The following NDST3 variants were observed in gnomAD, a reference collection of about 807,000 sequenced individuals.
NDST3 encodes N-deacetylase and N-sulfotransferase 3.
Under a neutral mutation model 96.1 loss-of-function variants are expected in NDST3, and 58 were observed. That is an observed-to-expected ratio of 0.60 (90% CI 0.49 to 0.75). The LOEUF (loss-of-function observed/expected upper bound fraction) is 0.75, where lower values mean the gene tolerates loss of function less well. Among genes scored for constraint, NDST3 ranks in the 30% least tolerant of loss-of-function variants. The pLI is 0.00. For missense variants in NDST3, 788 were observed against 1,034.2 expected, an observed-to-expected ratio of 0.76 and a Z score of 3.27; for synonymous variants, 333 against 359.7, an observed-to-expected ratio of 0.93 and a Z score of 0.84.
rs748108841 is a variant in NDST3, at chr4:118,101,824, TAAAC to T, written c.982-3191_982-3188del. 3.4e-4 allele frequency among the ~76,000 whole-genome samples: 52 copies of T among 152,244 alleles called. No homozygotes were observed. In the East Asian group the frequency reaches 8.5e-3, roughly 25 times the overall value. On this transcript the variant is annotated intron_variant, in intron 2 of 13. Transcript: ENST00000296499. ...GCAGTATTTATATTAGTCAAAAAAG[TAAAC>T]AACTTAAATGTACAACAATAGGATA...
intron 6 of NDST3, among the ~76,000 whole-genome samples, chr4:118,189,090 C>A (rs771770580): frequency 6.6e-6 from 1 of 152,040 alleles, no homozygotes. Flanking sequence ...CACTCTGTTA[C>A]CCAGACTAGA....
intron 2 of NDST3, among the ~76,000 whole-genome samples, chr4:118,084,575 G>C: frequency 6.6e-6 from 1 of 152,216 alleles, no homozygotes; most frequent in South Asian, 2.1e-4. Context: ...CATGACCTCT[G>C]TTCTGTCATA....
intron 6 of NDST3, among the ~76,000 whole-genome samples, chr4:118,172,767 T>C (rs373891003): frequency 1.3e-5 from 2 of 152,178 alleles, no homozygotes; most frequent in African/African-American, 4.8e-5. Context: ...TATCTAATTA[T>C]GTATTAACAT....
chr4:118,235,788 G>A (rs1479921806), intron 9 of NDST3, among the ~76,000 whole-genome samples: 2 of 152,128 alleles, frequency 1.3e-5, no homozygotes, highest in African/African-American at 4.8e-5. Flanking sequence ...AGAAATTTTT[G>A]TATATCTCTT....
chr4:118,154,534 A>G (rs1691155504), intron 6 of NDST3, among the ~76,000 whole-genome samples: 1 of 152,206 alleles, frequency 6.6e-6, no homozygotes, highest in South Asian at 2.1e-4. Context: ...GCTTGCAAGT[A>G]AATGAAATTT....
intron 2 of NDST3, among the ~76,000 whole-genome samples, chr4:118,102,410 A>T (rs1043942835): frequency 6.6e-6 from 1 of 152,090 alleles, no homozygotes; most frequent in Non-Finnish European, 1.5e-5. Context: ...TTGCTTGCCC[A>T]GAATACATGT....
chr4:118,061,867 C>T (rs1188446146), intron 2 of NDST3, among the ~76,000 whole-genome samples: 3 of 152,048 alleles, frequency 2.0e-5, no homozygotes, highest in South Asian at 2.1e-4. Context: ...GGCAGCCTCC[C>T]GAGCCAGAGT....
chr4:118,141,297 C>T (rs1733554381), intron 5 of NDST3, among the ~76,000 whole-genome samples: 1 of 152,080 alleles, frequency 6.6e-6, no homozygotes, highest in Admixed American at 6.5e-5. Context: ...TCATCCTTTC[C>T]GTAGCATAAG....
chr4:118,138,338 G>A, intron 5 of NDST3, 99 bp downstream of exon 5: 1 of 1,071,068 alleles, frequency 9.3e-7, no homozygotes, highest in Non-Finnish European at 1.3e-6. Flanking sequence ...CATAAATGTA[G>A]GAAAAGCTCC....
intron 6 of NDST3, among the ~76,000 whole-genome samples, chr4:118,195,985 G>C (rs2125972411): frequency 6.6e-6 from 1 of 152,316 alleles, no homozygotes; most frequent in Non-Finnish European, 1.5e-5. Context: ...CTATGGGTCT[G>C]TCACATATGG....
intron 6 of NDST3, among the ~76,000 whole-genome samples, chr4:118,166,517 G>A (rs1349371378): frequency 2.0e-5 from 3 of 151,776 alleles, no homozygotes; most frequent in South Asian, 2.1e-4. Context: ...CCAAAAAAAC[G>A]GAATAGAAGG....
chr4:118,072,112 T>C (rs1323018819), intron 2 of NDST3, among the ~76,000 whole-genome samples: 1 of 152,158 alleles, frequency 6.6e-6, no homozygotes, highest in African/African-American at 2.4e-5. Context: ...ACCAATACCA[T>C]GCTGTTTGGG....
chr4:118,159,937 C>T (rs368460575), intron 6 of NDST3, among the ~76,000 whole-genome samples: 21 of 152,064 alleles, frequency 1.4e-4, no homozygotes, highest in East Asian at 5.8e-4. Flanking sequence ...ATCAAGTTTG[C>T]AAATATTTGT....
intron 6 of NDST3, among the ~76,000 whole-genome samples, chr4:118,181,360 G>A (rs1560701518): frequency 6.6e-6 from 1 of 152,108 alleles, no homozygotes; most frequent in African/African-American, 2.4e-5. Context: ...GGAGGAGCAG[G>A]AAATGGAAAG....
chr4:118,057,476 A>G (rs1725522342), intron 2 of NDST3, among the ~76,000 whole-genome samples: 1 of 152,062 alleles, frequency 6.6e-6, no homozygotes, highest in Non-Finnish European at 1.5e-5. Flanking sequence ...TAGAGTGATA[A>G]GAGAAGATGA....
intron 6 of NDST3, among the ~76,000 whole-genome samples, chr4:118,221,993 A>T (rs1220019924): frequency 3.0e-5 from 2 of 65,682 alleles, no homozygotes; most frequent in African/African-American, 7.3e-5. Flanking sequence ...TTTTCCATCT[A>T]AAAAAAAAAA....
intron 1 of NDST3, among the ~76,000 whole-genome samples, chr4:118,040,554 C>G (rs1056262531): frequency 6.6e-6 from 1 of 152,060 alleles, no homozygotes; most frequent in African/African-American, 2.4e-5. Context: ...CTTTATGAAC[C>G]CTTAGTGTAC....
chr4:118,193,920 GC>G, intron 6 of NDST3: 1 of 950,854 alleles, frequency 1.1e-6, no homozygotes, highest in East Asian at 2.4e-5. Flanking sequence ...AGTAAAGCTT[GC>G]TTGTATTTGC....
At chr4:118,172,511 G>A (rs1179734625) in intron 6 of NDST3, among the ~76,000 whole-genome samples, 2 of 151,964 alleles carry the variant, frequency 1.3e-5, no homozygotes, top group African/African-American at 4.8e-5. Context: ...GATAACATGA[G>A]GTATGAGAGA....
Sources: gnomAD v4.1 joint callset for allele counts (sites outside exome capture counted in the v4.1 genomes callset) on GRCh38, gnomAD v4.1.1 for gene constraint, MANE v1.5 for transcripts, NCBI Gene and HGNC (gene_info 2026-07-23, HGNC 2026-07-21) for gene names.